The following PARP8 variants were observed in gnomAD, a reference collection of about 807,000 sequenced individuals.
The protein encoded by PARP8 is poly(ADP-ribose) polymerase family member 8, also known as protein mono-ADP-ribosyltransferase PARP8.
PARP8 carries 51 observed loss-of-function variants against 124.1 expected under a neutral mutation model. The observed-to-expected ratio is 0.41, with a 90% confidence interval of 0.33 to 0.52. PARP8 has a LOEUF of 0.52. PARP8 is among the 20% of genes least tolerant of loss of function. The pLI is 0.21. For synonymous variants in PARP8, 391 were observed against 361.5 expected (o/e 1.08, Z -0.93); for missense variants, 860 against 1,018.9 (o/e 0.84, Z 2.12).
At chr5:50,837,162 A>G (rs2149727272) in intron 25 of PARP8, among the ~76,000 whole-genome samples, 1 of 152,286 alleles carries the variant, frequency 6.6e-6, no homozygotes, top group Middle Eastern at 3.4e-3. Flanking sequence ...GTACACTCAG[A>G]TACTTCCTAA....
intron 3 of PARP8, among the ~76,000 whole-genome samples, chr5:50,758,861 A>T (rs1379471843): frequency 1.3e-5 from 2 of 151,872 alleles, no homozygotes; most frequent in Non-Finnish European, 2.9e-5. Flanking sequence ...TTTTTTAAAG[A>T]GGAAACAAAT....
intron 2 of PARP8, among the ~76,000 whole-genome samples, chr5:50,705,572 A>T (rs1754049020): frequency 6.6e-6 from 1 of 152,060 alleles, no homozygotes; most frequent in Non-Finnish European, 1.5e-5. Context: ...ATCACTTGAG[A>T]CTAGGAGTTT....
intron 17 of PARP8, among the ~76,000 whole-genome samples, chr5:50,823,386 A>T (rs888389148): frequency 1.3e-5 from 2 of 152,240 alleles, no homozygotes; most frequent in African/African-American, 4.8e-5. Flanking sequence ...CATTCACTCA[A>T]TAAATAGTGT....
chr5:50,681,805 G>A (rs1751322730), intron 2 of PARP8, among the ~76,000 whole-genome samples: 1 of 152,002 alleles, frequency 6.6e-6, no homozygotes, highest in Non-Finnish European at 1.5e-5. Flanking sequence ...CTGGTCAGGG[G>A]CACTTCAAGC....
rs529299501 is a variant in PARP8 at position 50,699,408 on chromosome 5, C to T, written c.146+31283C>T. ...ATACCAGAAGTTATTTAAGATTTTA[C>T]CATTTTCAAAGTATTTGTACGTAAC... On this transcript the variant is annotated intron_variant, in intron 2 of 25. Transcript: ENST00000281631. Among the ~76,000 whole-genome samples, 17 of 152,262 alleles carry T rather than the reference C, an allele frequency of 1.1e-4. No individual in the cohort carries two copies. In the East Asian group the frequency reaches 3.3e-3, roughly 29 times the overall value.
intron 15 of PARP8, among the ~76,000 whole-genome samples, chr5:50,819,343 T>G (rs1474743609): frequency 2.0e-5 from 3 of 151,954 alleles, no homozygotes; most frequent in Non-Finnish European, 2.9e-5. Flanking sequence ...TAGGACATAA[T>G]TTTTAAAGGG....
chr5:50,794,800 T>C, intron 11 of PARP8, 53 bp from the exon 12 acceptor site: 9 of 1,465,508 alleles, frequency 6.1e-6, no homozygotes, highest in Non-Finnish European at 4.7e-6. Context: ...GCTTTCTTCA[T>C]GGTCTGATGT....
At chr5:50,734,869 A>G (rs1188214654) in intron 2 of PARP8, among the ~76,000 whole-genome samples, 3 of 152,148 alleles carry the variant, frequency 2.0e-5, no homozygotes, top group Non-Finnish European at 4.4e-5. Flanking sequence ...AGGCCAAGAC[A>G]TGGATTTACT....
intron 2 of PARP8, among the ~76,000 whole-genome samples, chr5:50,736,830 A>T (rs1220431680): frequency 6.6e-6 from 1 of 152,070 alleles, no homozygotes; most frequent in African/African-American, 2.4e-5. Context: ...TTCATCCAAA[A>T]CCAACCAAAC....
Position 50,842,078 on chromosome 5 carries a change from A to C in PARP8, c.*10A>C. 2.6e-6 allele frequency: 4 copies of C among 1,560,068 alleles called. No homozygotes were observed. Among genetic ancestry groups the C allele is most frequent in the Non-Finnish European group, 2.6e-6 (3 of 1,138,932 alleles). ...AACTGCTACTGGTTAAAGGACCACC[A>C]TTTAATTAACATGATTCGAAAGCCT... On this transcript the variant is annotated 3_prime_UTR_variant, in exon 26 of 26. Transcript: ENST00000281631.
intron 2 of PARP8, among the ~76,000 whole-genome samples, chr5:50,721,445 T>C (rs1035288354): frequency 1.3e-5 from 2 of 151,622 alleles, no homozygotes; most frequent in Non-Finnish European, 2.9e-5. Flanking sequence ...TCCATGTATT[T>C]TGTAATTTAT....
intron 14 of PARP8, among the ~76,000 whole-genome samples, chr5:50,809,909 AT>A (rs1744250753): frequency 6.6e-6 from 1 of 152,056 alleles, no homozygotes; most frequent in African/African-American, 2.4e-5. Flanking sequence ...TATTATTTCT[AT>A]TACCAGTAGA....
chr5:50,717,201 C>T (rs545434155), intron 2 of PARP8, among the ~76,000 whole-genome samples: 2 of 151,908 alleles, frequency 1.3e-5, no homozygotes, highest in East Asian at 3.9e-4. Context: ...ACGAAGTTAA[C>T]AGTCTTGGGG....
chr5:50,723,432 T>A (rs1756111007), intron 2 of PARP8, among the ~76,000 whole-genome samples: 1 of 152,054 alleles, frequency 6.6e-6, no homozygotes, highest in Non-Finnish European at 1.5e-5. Flanking sequence ...AATTACAATA[T>A]TAATATGACT....
intron 22 of PARP8, among the ~76,000 whole-genome samples, chr5:50,831,706 C>T (rs2064869282): frequency 6.6e-6 from 1 of 152,072 alleles, no homozygotes; most frequent in Non-Finnish European, 1.5e-5. Flanking sequence ...GTTTTTTATA[C>T]TGGTATATAG....
rs745848824 is a variant in PARP8 at position 50,814,189 on chromosome 5, TATATC to T, written c.1576-1239_1576-1235del. 4.7e-4 allele frequency among the ~76,000 whole-genome samples: 72 copies of T among 152,258 alleles called. No homozygotes were observed. In the Middle Eastern group the frequency reaches 0.014, roughly 29 times the overall value. On this transcript the variant is annotated intron_variant, in intron 14 of 25. Coordinates refer to ENST00000281631, the MANE Select transcript of PARP8 (RefSeq NM_024615.4). ...ATATGCAGTAAGTGGTTGCCACTCT[TATATC>T]ATACCATGCTCTAAGCCCCAGAAAA...
chr5:50,780,203 TTTGTAATGTATG>T (rs1740512557), intron 9 of PARP8, among the ~76,000 whole-genome samples: 1 of 152,194 alleles, frequency 6.6e-6, no homozygotes, highest in Non-Finnish European at 1.5e-5. Flanking sequence ...AAGGGAATGA[TTTGTAATGTATG>T]GAGAATATTT....
At chr5:50,704,511 A>T (rs1580018531) in intron 2 of PARP8, among the ~76,000 whole-genome samples, 1 of 152,162 alleles carries the variant, frequency 6.6e-6, no homozygotes, top group Admixed American at 6.6e-5. Context: ...TCTGAAAGTG[A>T]TTTCTTTACT....
At chr5:50,735,328 T>G (rs1385416546) in intron 2 of PARP8, among the ~76,000 whole-genome samples, 6 of 152,182 alleles carry the variant, frequency 3.9e-5, no homozygotes, top group Non-Finnish European at 7.4e-5. Flanking sequence ...TAAATGCACT[T>G]GAATGCTCTG....
Sources: gnomAD v4.1 joint callset for allele counts (sites outside exome capture counted in the v4.1 genomes callset) on GRCh38, gnomAD v4.1.1 for gene constraint, MANE v1.5 for transcripts, NCBI Gene and HGNC (gene_info 2026-07-23, HGNC 2026-07-21) for gene names.